Variants in DOCK10 observed in about 807,000 individuals in gnomAD.
The protein encoded by DOCK10 is dedicator of cytokinesis protein 10.
DOCK10 carries 145 observed loss-of-function variants against 280.1 expected under a neutral mutation model. That is an observed-to-expected ratio of 0.52 (90% CI 0.45 to 0.59). The LOEUF (loss-of-function observed/expected upper bound fraction) is 0.59. Ranked by LOEUF, DOCK10 falls within the 20% of genes least tolerant of loss-of-function variation. The pLI is 0.00. For synonymous variants in DOCK10, 915 were observed against 942.2 expected, an observed-to-expected ratio of 0.97 and a Z score of 0.53; for missense variants, 2,368 against 2,651.7, an observed-to-expected ratio of 0.89 and a Z score of 2.35.
intron 1 of DOCK10, among the ~76,000 whole-genome samples, chr2:225,016,710 AT>A (rs1249972688): frequency 3.5e-5 from 5 of 142,984 alleles, no homozygotes; most frequent in East Asian, 4.2e-4. Flanking sequence ...TATAGACATA[AT>A]TTTTTTTTTG....
At chr2:224,897,957 T>C (rs75435095) in intron 3 of DOCK10, among the ~76,000 whole-genome samples, 404 of 152,256 alleles carry the variant, frequency 2.7e-3, no homozygotes, top group African/African-American at 8.5e-3. Flanking sequence ...GCAGCTATCA[T>C]TGGGATTATA....
intron 48 of DOCK10, 132 bp downstream of exon 48, chr2:224,788,932 T>A: frequency 1.6e-6 from 1 of 606,830 alleles, no homozygotes; most frequent in Non-Finnish European, 2.8e-6. Flanking sequence ...AATTTTAGCC[T>A]GCATTTCATT....
intron 1 of DOCK10, among the ~76,000 whole-genome samples, chr2:225,016,901 T>G (rs1371404578): frequency 6.6e-6 from 1 of 151,830 alleles, no homozygotes; most frequent in East Asian, 1.9e-4. Context: ...TTTTGTATTT[T>G]TAGTAGGTAC....
At chr2:224,984,244 GGA>G (rs1256224990) in intron 1 of DOCK10, among the ~76,000 whole-genome samples, 2 of 152,240 alleles carry the variant, frequency 1.3e-5, no homozygotes, top group African/African-American at 2.4e-5. Context: ...GTTAGAAACT[GGA>G]GAGAGAAGAC....
intron 1 of DOCK10, among the ~76,000 whole-genome samples, chr2:225,014,088 T>TTTTG (rs1559959818): frequency 9.3e-6 from 1 of 107,708 alleles, no homozygotes; most frequent in African/African-American, 5.0e-5. Flanking sequence ...TATATTGTTT[T>TTTTG]TTTTTTTTTG....
chr2:224,897,874 T>C (rs902682793), intron 3 of DOCK10, among the ~76,000 whole-genome samples: 1 of 152,212 alleles, frequency 6.6e-6, no homozygotes, highest in African/African-American at 2.4e-5. Flanking sequence ...TGATCATAGA[T>C]CTGTAATGGG....
chr2:224,816,508 CAAA>C, intron 30 of DOCK10, 106 bp downstream of exon 30: 1 of 752,596 alleles, frequency 1.3e-6, no homozygotes, highest in South Asian at 1.7e-5. Context: ...CAGCTTCAAA[CAAA>C]ATTATGACTG....
intron 1 of DOCK10, among the ~76,000 whole-genome samples, chr2:224,950,270 C>G (rs1289759806): frequency 6.6e-6 from 1 of 152,238 alleles, no homozygotes; most frequent in Middle Eastern, 3.4e-3. Context: ...TTATAAAGAT[C>G]TAGCAATTAA....
At chr2:224,820,009 C>T (rs1694401226) in intron 28 of DOCK10, among the ~76,000 whole-genome samples, 1 of 151,980 alleles carries the variant, frequency 6.6e-6, no homozygotes, top group Non-Finnish European at 1.5e-5. Context: ...TTAATAATTC[C>T]ATTTCACACT....
chr2:224,859,629 A>C (rs1697371254), intron 14 of DOCK10, among the ~76,000 whole-genome samples: 1 of 152,244 alleles, frequency 6.6e-6, no homozygotes, highest in African/African-American at 2.4e-5. Context: ...AAATGTGGGT[A>C]AAAATATGGT....
At chr2:225,027,384 A>G (rs1166501637) in intron 1 of DOCK10, among the ~76,000 whole-genome samples, 2 of 152,190 alleles carry the variant, frequency 1.3e-5, no homozygotes, top group African/African-American at 4.8e-5. Context: ...ATGTAGCTTC[A>G]AAACTCTGAA....
chr2:224,985,751 C>A (rs1705958290), intron 1 of DOCK10, among the ~76,000 whole-genome samples: 1 of 152,148 alleles, frequency 6.6e-6, no homozygotes, highest in Admixed American at 6.5e-5. Context: ...GACTGCCCAT[C>A]CTTCTTCAAC....
rs143379060 is a variant in DOCK10 at position 224,765,833 on chromosome 2, G to A, written c.6449C>T (p.Thr2150Met). 1,850 of 1,612,154 alleles carry A rather than the reference G, an allele frequency of 1.1e-3. 18 individuals are homozygous for A. The African/African-American group carries it at 0.019, about 16-fold the overall frequency. ...ELSTVMNEQI[T>M]GRDDLSKRGV... ...GCGCTTTGACAGGTCGTCCCTGCCCGTAATCTTAAAACAGGGAAAAACACA... is the reference window on the plus strand; with the variant it reads ...GCGCTTTGACAGGTCGTCCCTGCCCATAATCTTAAAACAGGGAAAAACACA... The change falls in exon 56 of 56, where the codon ACG becomes ATG. Residue 2150 changes from threonine (T) to methionine (M), a missense_variant. This residue lies in a region of DOCK10 where 1,159 missense variants were observed against 1,400.8 expected (regional missense o/e 0.83). Coordinates refer to ENST00000258390, the MANE Select transcript of DOCK10 (RefSeq NM_014689.3).
At chr2:224,775,562 C>T (rs544822890) in intron 51 of DOCK10, among the ~76,000 whole-genome samples, 1 of 152,072 alleles carries the variant, frequency 6.6e-6, no homozygotes, top group African/African-American at 2.4e-5. Context: ...TGCAACCTCC[C>T]CCTCCTGGGT....
At chr2:224,849,881 C>T (rs1696617793) in intron 18 of DOCK10, among the ~76,000 whole-genome samples, 2 of 152,076 alleles carry the variant, frequency 1.3e-5, no homozygotes, top group Admixed American at 6.5e-5. Flanking sequence ...ACAGGGTGGC[C>T]ACAGGAGAAC....
intron 2 of DOCK10, among the ~76,000 whole-genome samples, 198 bp from the exon 3 acceptor site, chr2:224,916,982 A>G (rs1165317793): frequency 6.6e-6 from 1 of 151,194 alleles, no homozygotes; most frequent in African/African-American, 2.4e-5. Context: ...CAGTACTAGT[A>G]TTTTTACAAC....
chr2:224,810,696 C>T (rs993883328), intron 31 of DOCK10, among the ~76,000 whole-genome samples: 5 of 138,502 alleles, frequency 3.6e-5, no homozygotes, highest in Admixed American at 3.3e-4. Flanking sequence ...CATGTGTTCT[C>T]ATTGTTCAAT....
intron 29 of DOCK10, among the ~76,000 whole-genome samples, chr2:224,817,047 G>A (rs572419244): frequency 6.6e-6 from 1 of 152,252 alleles, no homozygotes; most frequent in African/African-American, 2.4e-5. Flanking sequence ...AATTCCTGCT[G>A]TAACACATGC....
At chr2:224,896,673 C>T (rs1310631540) in intron 3 of DOCK10, among the ~76,000 whole-genome samples, 2 of 152,122 alleles carry the variant, frequency 1.3e-5, no homozygotes, top group African/African-American at 2.4e-5. Flanking sequence ...GCCGAGATCA[C>T]GCCACTGCAC....
Sources: gnomAD v4.1 joint callset for allele counts (sites outside exome capture counted in the v4.1 genomes callset) on GRCh38, gnomAD v4.1.1 for gene constraint, gnomAD v4.1.1 regional missense constraint, MANE v1.5 for transcripts, NCBI Gene and HGNC (gene_info 2026-07-23, HGNC 2026-07-21) for gene names.